The following GRID2 variants were observed in gnomAD, a reference collection of about 807,000 sequenced individuals.
The protein encoded by GRID2 is glutamate receptor ionotropic, delta-2.
Under a neutral mutation model 114.8 loss-of-function variants are expected in GRID2, and 33 were observed. The ratio of observed to expected loss-of-function variants is 0.29; its 90% CI spans 0.22 to 0.38. The LOEUF (loss-of-function observed/expected upper bound fraction) is 0.38. Ranked by LOEUF, GRID2 falls within the 10% of genes least tolerant of loss-of-function variation. The pLI is 1.00. For missense variants in GRID2, 1,184 were observed against 1,257.7 expected (o/e 0.94, Z 0.89); for synonymous variants, 505 against 449.9 (o/e 1.12, Z -1.55).
At chr4:92,942,009 T>C (rs990402550) in intron 2 of GRID2, among the ~76,000 whole-genome samples, 1 of 152,308 alleles carries the variant, frequency 6.6e-6, no homozygotes, top group Admixed American at 6.5e-5. Context: ...AATTTTGGAA[T>C]AGGTGTGGTG....
chr4:93,530,767 C>T (rs574960629), intron 13 of GRID2, among the ~76,000 whole-genome samples: 44 of 152,210 alleles, frequency 2.9e-4, no homozygotes, highest in Middle Eastern at 3.4e-3. Context: ...CAGCATTGAG[C>T]TTGATTCTTA....
At chr4:93,559,579 A>G (rs1560752849) in intron 13 of GRID2, among the ~76,000 whole-genome samples, 1 of 152,220 alleles carries the variant, frequency 6.6e-6, no homozygotes, top group Non-Finnish European at 1.5e-5. Context: ...TCAGGAAACA[A>G]CAGATGCGGG....
chr4:93,392,047 G>A (rs916142149), intron 8 of GRID2, among the ~76,000 whole-genome samples: 11 of 152,134 alleles, frequency 7.2e-5, no homozygotes, highest in Non-Finnish European at 1.3e-4. Context: ...TTTTTATCCC[G>A]TCTAAATTTT....
intron 8 of GRID2, among the ~76,000 whole-genome samples, chr4:93,291,962 A>G (rs1244728562): frequency 6.6e-6 from 1 of 152,180 alleles, no homozygotes; most frequent in African/African-American, 2.4e-5. Flanking sequence ...CAAGAATACA[A>G]TATATTGTTA....
intron 14 of GRID2, among the ~76,000 whole-genome samples, chr4:93,687,530 C>T (rs1726179663): frequency 6.6e-6 from 1 of 151,840 alleles, no homozygotes; most frequent in Admixed American, 6.6e-5. Context: ...AAAGTAACAG[C>T]CAGGGAAGCA....
intron 8 of GRID2, among the ~76,000 whole-genome samples, chr4:93,304,622 G>A (rs889592744): frequency 6.6e-6 from 1 of 151,906 alleles, no homozygotes; most frequent in Non-Finnish European, 1.5e-5. Flanking sequence ...CACACTACAA[G>A]GAATGTAAAG....
chr4:92,810,616 G>T (rs1276730671), intron 2 of GRID2, among the ~76,000 whole-genome samples: 7 of 152,040 alleles, frequency 4.6e-5, no homozygotes, highest in African/African-American at 1.7e-4. Flanking sequence ...GTGTAAATCT[G>T]ATTCATAGAC....
At chr4:92,445,832 T>G (rs913708217) in intron 1 of GRID2, among the ~76,000 whole-genome samples, 1 of 152,256 alleles carries the variant, frequency 6.6e-6, no homozygotes, top group African/African-American at 2.4e-5. Flanking sequence ...CAATTAACAT[T>G]TTTAGCTCTG....
At chr4:92,736,367 A>G (rs1389190307) in intron 2 of GRID2, among the ~76,000 whole-genome samples, 1 of 152,156 alleles carries the variant, frequency 6.6e-6, no homozygotes, top group East Asian at 1.9e-4. Flanking sequence ...CATGAAATGA[A>G]TTTGGAATTC....
At chr4:93,771,324 A>G (rs895363193) in intron 15 of GRID2, among the ~76,000 whole-genome samples, 9 of 152,192 alleles carry the variant, frequency 5.9e-5, no homozygotes, top group Non-Finnish European at 1.0e-4. Context: ...CGCCATTAGC[A>G]TAGCTTAAAA....
At chr4:92,374,955 T>C (rs1465646389) in intron 1 of GRID2, among the ~76,000 whole-genome samples, 1 of 152,150 alleles carries the variant, frequency 6.6e-6, no homozygotes, top group African/African-American at 2.4e-5. Flanking sequence ...GACAGACTTA[T>C]GTAAAATGAA....
At chr4:92,798,061 T>A (rs1343356950) in intron 2 of GRID2, among the ~76,000 whole-genome samples, 3 of 152,000 alleles carry the variant, frequency 2.0e-5, no homozygotes, top group Non-Finnish European at 4.4e-5. Context: ...TGAAAATTTT[T>A]TAAATGTTTC....
chr4:93,240,460 G>T (rs1482305417), intron 8 of GRID2, among the ~76,000 whole-genome samples: 1 of 149,850 alleles, frequency 6.7e-6, no homozygotes, highest in Non-Finnish European at 1.5e-5. Context: ...TTTGGAGAAG[G>T]GTGTCTTTTG....
intron 8 of GRID2, among the ~76,000 whole-genome samples, chr4:93,292,455 T>C (rs1753852233): frequency 6.6e-6 from 1 of 152,208 alleles, no homozygotes; most frequent in African/African-American, 2.4e-5. Flanking sequence ...GGTAAAGTCT[T>C]CCTTCTGTTA....
chr4:92,577,014 A>G (rs1040033888), intron 1 of GRID2, among the ~76,000 whole-genome samples: 1 of 152,026 alleles, frequency 6.6e-6, no homozygotes, highest in Admixed American at 6.6e-5. Context: ...CTTAAGCTCC[A>G]TTTTCTACAT....
chr4:93,789,963 G>A (rs1734663833), intron 1 of GRID2, among the ~76,000 whole-genome samples: 1 of 152,126 alleles, frequency 6.6e-6, no homozygotes, highest in African/African-American at 2.4e-5. Flanking sequence ...ATAGGAGTGT[G>A]ACCCTATTGT....
At chr4:92,422,233 G>A (rs375607824) in intron 1 of GRID2, among the ~76,000 whole-genome samples, 9 of 151,902 alleles carry the variant, frequency 5.9e-5, no homozygotes, top group African/African-American at 9.7e-5. Flanking sequence ...TGGAAGAGCC[G>A]GGTAGTGTGT....
At chr4:93,123,524 A>G (rs1733983193) in intron 4 of GRID2, among the ~76,000 whole-genome samples, 4 of 152,316 alleles carry the variant, frequency 2.6e-5, no homozygotes, top group South Asian at 2.1e-4. Flanking sequence ...TAAGAATACA[A>G]TAATGAATGG....
intron 1 of GRID2, among the ~76,000 whole-genome samples, chr4:92,561,703 C>T (rs1727111101): frequency 6.6e-6 from 1 of 152,124 alleles, no homozygotes; most frequent in African/African-American, 2.4e-5. Flanking sequence ...CTTTTAGATT[C>T]ATTAACAAAA....
Sources: gnomAD v4.1 joint callset for allele counts (sites outside exome capture counted in the v4.1 genomes callset) on GRCh38, gnomAD v4.1.1 for gene constraint, MANE v1.5 for transcripts, NCBI Gene and HGNC (gene_info 2026-07-23, HGNC 2026-07-21) for gene names.